PLEC: variants seen among roughly 807,000 people sequenced by gnomAD.
PLEC encodes hemidesmosomal protein 1.
A neutral mutation model predicts 392.8 loss-of-function variants in PLEC; 216 were observed. The observed-to-expected ratio is 0.55, with a 90% CI of 0.49 to 0.62. The LOEUF is 0.62. PLEC is among the 20% of genes least tolerant of loss of function. PLEC has a pLI of 0.00. For missense variants in PLEC, 6,863 were observed against 6,563.4 expected, an observed-to-expected ratio of 1.05 and a Z score of -1.58; for synonymous variants, 3,621 against 2,980.6, an observed-to-expected ratio of 1.21 and a Z score of -7.00.
In PLEC at chr8:143,970,709, C is replaced by G. The variant is rs529548035; in HGVS notation, c.70+2694G>C. Among the ~76,000 whole-genome samples, 6 of 152,306 alleles carry G rather than the reference C, an allele frequency of 3.9e-5. No homozygotes were observed. In the East Asian group the frequency reaches 9.6e-4, roughly 24 times the overall value. On this transcript the variant is annotated intron_variant, in intron 1 of 31. Coordinates refer to the PLEC transcript ENST00000356346. ...ATGGACTGGCCGCCTCACCTCCACT[C>G]ACCTGCATTGCCACAACTCTCTCCT... is the stretch of plus-strand genomic sequence containing the variant.
In PLEC at chr8:143,916,343, G is replaced by A. The variant is rs782367675; in HGVS notation, c.13478C>T (p.Ser4493Leu). 11 of 1,603,386 alleles carry A rather than the reference G, an allele frequency of 6.9e-6. No individual in the cohort carries two copies. Among genetic ancestry groups the A allele is most frequent in the Middle Eastern group, 1.8e-4 (1 of 5,674 alleles). The change falls in exon 32 of 32, where the codon TCG becomes TTG. Residue 4493 changes from serine to leucine, a missense_variant. Ser to Leu is a moderately radical substitution (Grantham distance 145). Coordinates refer to ENST00000345136, the MANE Select transcript of PLEC (RefSeq NM_201384.3). ...SGSTAGSRTG[S>L]RTGSRAGSRR... ...GGAGCCGGCCCGGGAGCCGGTGCGCGAGCCGGTGCGGGAGCCAGCGGTAGA... is the reference window on the plus strand; with the variant it reads ...GGAGCCGGCCCGGGAGCCGGTGCGCAAGCCGGTGCGGGAGCCAGCGGTAGA...
chr8:143,942,426 G>T, upstream of PLEC: 7 of 1,605,540 alleles, frequency 4.4e-6, no homozygotes, highest in Non-Finnish European at 4.2e-6. Flanking sequence ...GGTAGCCCCT[G>T]CGGGCCGGCT....
Position 143,918,310 on chromosome 8 carries a change from C to A in PLEC, c.11511G>T (p.Leu3837=), listed in dbSNP as rs782391224. 11 of 1,590,876 alleles carry A rather than the reference C, an allele frequency of 6.9e-6. No homozygotes were observed. The highest frequency in any genetic ancestry group is 5.1e-5 in the Admixed American group (3 of 58,920). The change falls in exon 32 of 32, where the codon CTG becomes CTT. Residue 3837 remains leucine (L), a synonymous_variant. Coordinates refer to ENST00000345136, the MANE Select transcript of PLEC (RefSeq NM_201384.3). ...AGCTGCGCACCTCGCTGGGCTCTGACAGCTGGTCGTGCGTGTCCTTGTTGA... is the reference window on the plus strand; with the variant it reads ...AGCTGCGCACCTCGCTGGGCTCTGAAAGCTGGTCGTGCGTGTCCTTGTTGA... ...GYLNKDTHDQ[L]SEPSEVRSYV...
chr8:143,943,866 G>A (rs1587306068), upstream of PLEC: 1 of 1,612,116 alleles, frequency 6.2e-7, no homozygotes. Context: ...ACCAGGGAGG[G>A]AAACAGGCTG....
intron 1 of PLEC, among the ~76,000 whole-genome samples, chr8:143,966,778 CG>C (rs1341218817): frequency 6.6e-6 from 1 of 152,140 alleles, no homozygotes; most frequent in Non-Finnish European, 1.5e-5. Context: ...GTCAGGAAGC[CG>C]GATTGGTGGA....
In PLEC at chr8:143,932,900, A is replaced by G. The variant is rs1554718398; in HGVS notation, c.1630T>C (p.Trp544Arg). The stretch of plus-strand genomic sequence containing the variant: ...TCCACGCTGGGCAGGTCCACACCCC[A>G]CTCAGCGCCATCCACACGGTGCTGG... ...ENQHRVDGAEWGVDLPSVEAQ... is the reference protein window; with the variant it reads ...ENQHRVDGAERGVDLPSVEAQ... The change falls in exon 14 of 32, where the codon TGG becomes CGG. Residue 544 changes from tryptophan (W) to arginine (R), a missense_variant. Transcript: ENST00000345136. 1.9e-6 allele frequency: 3 copies of G among 1,612,168 alleles called. No individual in the cohort carries two copies. The highest frequency in any genetic ancestry group is 2.5e-6 in the Non-Finnish European group (3 of 1,179,790).
intron 3 of PLEC, chr8:143,937,531 G>T (rs1182220298): frequency 7.4e-6 from 4 of 542,090 alleles, no homozygotes; most frequent in East Asian, 3.2e-5. Context: ...GGCACTAAAG[G>T]GGGGGTCCTC....
intron 1 of PLEC, among the ~76,000 whole-genome samples, chr8:143,960,886 CA>C (rs1230541518): frequency 6.6e-6 from 1 of 152,236 alleles, no homozygotes; most frequent in Non-Finnish European, 1.5e-5. Flanking sequence ...CCTTTTAACA[CA>C]AACGGTGAAA....
At chr8:143,948,547 G>C (rs1346349385) in intron 1 of PLEC, among the ~76,000 whole-genome samples, 1 of 152,220 alleles carries the variant, frequency 6.6e-6, no homozygotes, top group South Asian at 2.1e-4. Flanking sequence ...GGCAGAGAGG[G>C]GTTTGAGCCT....
At chr8:143,971,953 C>T (rs782021387) in intron 1 of PLEC, among the ~76,000 whole-genome samples, 3 of 152,206 alleles carry the variant, frequency 2.0e-5, no homozygotes, top group Non-Finnish European at 4.4e-5. Context: ...CTGTCTGGCT[C>T]ACCCCTGGAT....
Position 143,933,243 on chromosome 8 carries a change from T to A in PLEC, c.1372A>T (p.Thr458Ser). The change falls in exon 13 of 32, where the codon ACC (threonine) becomes TCC (serine). Residue 458 changes from threonine to serine, a missense_variant. Transcript: ENST00000345136. ...TGCGGGTGCCGTCCATCCTTGAGGG[T>A]CTGCACGTCGTTGAAGAGCAGCCGG... is the stretch of plus-strand genomic sequence containing the variant. ...MIRLLFNDVQ[T>S]LKDGRHPQGE... 6.2e-7 allele frequency: 1 copy of A among 1,613,016 alleles called. No homozygotes were observed. The highest frequency in any genetic ancestry group is 8.5e-7 in the Non-Finnish European group (1 of 1,179,970).
In PLEC at chr8:143,937,526, T is replaced by G. The variant is rs1829379193; in HGVS notation, c.265-284A>C. On this transcript the variant is annotated intron_variant, in intron 3 of 31. Coordinates refer to ENST00000345136, the MANE Select transcript of PLEC (RefSeq NM_201384.3). ...AGCCTCGTGTGGAGGGCAGTGGCACTAAAGGGGGGGTCCTCCTGCCTGGCG... is the reference window on the plus strand; with the variant it reads ...AGCCTCGTGTGGAGGGCAGTGGCACGAAAGGGGGGGTCCTCCTGCCTGGCG... 3 of 541,048 alleles carry G rather than the reference T, an allele frequency of 5.5e-6. No individual in the cohort carries two copies. The South Asian group carries it at 5.9e-5, about 11-fold the overall frequency. The allele number at this position is 541,048 out of a possible 1,614,324, so 33.5% of individuals were successfully genotyped here. A position where few individuals can be genotyped will look rare whatever the true frequency, so the allele number is the denominator to read the frequency against.
At chr8:143,974,699 C>G (rs1242080522), upstream of PLEC, among the ~76,000 whole-genome samples, 2 of 152,238 alleles carry the variant, frequency 1.3e-5, no homozygotes, top group Non-Finnish European at 2.9e-5. This position sits in a 1 kb window ranked among gnomAD's most constrained non-coding sequence, Gnocchi z 5.9. Context: ...CCTGCCCTCC[C>G]CCTTCCCCAA....
At position 143,916,362 on chromosome 8, in the gene PLEC, C is replaced by T. The variant is rs781850956; in HGVS notation, c.13459G>A (p.Ala4487Thr). 5.0e-5 allele frequency: 81 copies of T among 1,607,266 alleles called. No individual in the cohort carries two copies. Among genetic ancestry groups the T allele is most frequent in the Middle Eastern group, 1.7e-4 (1 of 5,858 alleles). ...GTGCGCGAGCCGGTGCGGGAGCCAG[C>T]GGTAGAGCCGGAGCCGCTGACGCTG... ...PYSVSGSGST[A>T]GSRTGSRTGS... Residue 4487 changes from alanine (A) to threonine (T), a missense_variant, in exon 32 of 32, where the codon GCT becomes ACT. Physicochemically the swap from Ala to Thr is moderately conservative, Grantham distance 58. Coordinates refer to ENST00000345136, the MANE Select transcript of PLEC (RefSeq NM_201384.3).
chr8:143,973,302 G>T lies in PLEC; in HGVS notation c.70+101C>A. ...GGCGGACGAGGCCGGCGGAGTGGCC[G>T]CGCTCGGGCCGGCGATCGGGACCGC... is the stretch of plus-strand genomic sequence containing the variant. On this transcript the variant is annotated intron_variant, in intron 1 of 31. Coordinates refer to the PLEC transcript ENST00000356346. The surrounding 1 kb of genome is among the most constrained non-coding windows in gnomAD (Gnocchi z 5.6). 1.4e-6 allele frequency: 2 copies of T among 1,441,906 alleles called. No individual in the cohort carries two copies. Among genetic ancestry groups the T allele is most frequent in the Non-Finnish European group, 1.9e-6 (2 of 1,064,082 alleles). 89.3% of individuals were successfully genotyped at this position (1,441,906 alleles called of 1,614,324 possible). A position where few individuals can be genotyped will look rare whatever the true frequency, so the allele number is the denominator to read the frequency against.
At chr8:143,972,256 C>G (rs782751551) in intron 1 of PLEC, among the ~76,000 whole-genome samples, 1 of 152,184 alleles carries the variant, frequency 6.6e-6, no homozygotes, top group South Asian at 2.1e-4. Context: ...AAGGCAGGGC[C>G]GGCCATGTAG....
At chr8:143,936,650 C>T (rs1344272897) in intron 5 of PLEC, among the ~76,000 whole-genome samples, 1 of 152,240 alleles carries the variant, frequency 6.6e-6, no homozygotes, top group Admixed American at 6.5e-5. Context: ...CCAGGACAAG[C>T]AGCGGGTGAG....
chr8:143,967,091 C>T (rs1245272131), intron 1 of PLEC, among the ~76,000 whole-genome samples: 3 of 152,070 alleles, frequency 2.0e-5, no homozygotes, highest in East Asian at 1.9e-4. Context: ...AGGCCAGGCG[C>T]GGTGGCTCAC....
At chr8:143,931,060 C>G (rs893029195) in intron 19 of PLEC, among the ~76,000 whole-genome samples, 1 of 152,198 alleles carries the variant, frequency 6.6e-6, no homozygotes, top group Admixed American at 6.5e-5. Context: ...CCACTCTGCC[C>G]GCTCCAGATC....
Sources: gnomAD v4.1 joint callset for allele counts (sites outside exome capture counted in the v4.1 genomes callset) on GRCh38, gnomAD v4.1.1 for gene constraint, Gnocchi (gnomAD v3.1) non-coding constraint, MANE v1.5 for transcripts, NCBI Gene and HGNC (gene_info 2026-07-23, HGNC 2026-07-21) for gene names.